The following FGGY variants were observed in gnomAD, a reference collection of about 807,000 sequenced individuals.
The protein encoded by FGGY is FGGY carbohydrate kinase domain-containing protein.
Under a neutral mutation model 71.3 loss-of-function variants are expected in FGGY, and 72 were observed. The ratio of observed to expected loss-of-function variants is 1.01; its 90% CI spans 0.84 to 1.23. The LOEUF (loss-of-function observed/expected upper bound fraction) is 1.23, where lower values mean the gene tolerates loss of function less well. FGGY is among the 50% of genes most tolerant of loss of function. The probability of loss-of-function intolerance (pLI) is 0.00; values close to 1 mark genes in which losing one functional copy is unlikely to be tolerated. For missense variants in FGGY, 668 were observed against 682.3 expected, an observed-to-expected ratio of 0.98 and a Z score of 0.23; for synonymous variants, 251 against 250.3, an observed-to-expected ratio of 1.00 and a Z score of -0.02.
At chr1:59,316,005 T>C (rs141735614) in intron 1 of FGGY, 13 of 152,364 alleles carry the variant, frequency 8.5e-5, no homozygotes, top group African/African-American at 2.9e-4. Context: ...TATTGCCAAA[T>C]CAGCTCTTTC....
At chr1:59,375,265 G>GAAAAAAAAAAAAAAAAAAAAAAAA (rs1289366742) in intron 4 of FGGY, among the ~76,000 whole-genome samples, 1 of 99,832 alleles carries the variant, frequency 1.0e-5, no homozygotes. Flanking sequence ...TCTCAAAAAA[G>GAAAAAAAAAAAAAAAAAAAAAAAA]AAAAAAAAAA....
At chr1:59,517,145 A>T (rs1052856121) in intron 7 of FGGY, among the ~76,000 whole-genome samples, 1 of 152,088 alleles carries the variant, frequency 6.6e-6, no homozygotes, top group Admixed American at 6.6e-5. Flanking sequence ...TAGCTTATAA[A>T]AATAACATTA....
At chr1:59,644,320 A>C (rs991190970) in intron 11 of FGGY, among the ~76,000 whole-genome samples, 3 of 152,146 alleles carry the variant, frequency 2.0e-5, no homozygotes, top group African/African-American at 7.2e-5. Context: ...TGTTCTGGTA[A>C]CAGTTGACTC....
At chr1:59,626,124 G>A in intron 10 of FGGY, 75 bp downstream of exon 10, 1 of 1,215,228 alleles carries the variant, frequency 8.2e-7, no homozygotes, top group Non-Finnish European at 1.2e-6. Flanking sequence ...GGGCAGTTGG[G>A]TGATTTTCAG....
intron 14 of FGGY, among the ~76,000 whole-genome samples, chr1:59,706,423 A>T (rs554252162): frequency 6.6e-6 from 1 of 152,192 alleles, no homozygotes; most frequent in Non-Finnish European, 1.5e-5. Flanking sequence ...CACTATTTAT[A>T]AAGTACTTGG....
At chr1:59,568,846 G>A (rs1440619783) in intron 8 of FGGY, among the ~76,000 whole-genome samples, 1 of 152,102 alleles carries the variant, frequency 6.6e-6, no homozygotes, top group Admixed American at 6.6e-5. Context: ...CATACAGTAG[G>A]TAGTCAACAC....
chr1:59,529,881 T>G (rs2095093704), intron 7 of FGGY, among the ~76,000 whole-genome samples: 1 of 152,228 alleles, frequency 6.6e-6, no homozygotes, highest in African/African-American at 2.4e-5. Context: ...AATCCATGCA[T>G]TAGGCACAAG....
chr1:59,520,592 T>TC (rs1396707433), intron 7 of FGGY, among the ~76,000 whole-genome samples: 1 of 152,254 alleles, frequency 6.6e-6, no homozygotes, highest in Non-Finnish European at 1.5e-5. Flanking sequence ...ATGCCCATCA[T>TC]CCAGCATGAA....
intron 13 of FGGY, among the ~76,000 whole-genome samples, chr1:59,671,365 G>A (rs1202276574): frequency 6.6e-6 from 1 of 152,224 alleles, no homozygotes; most frequent in Non-Finnish European, 1.5e-5. Context: ...TACTAACAGT[G>A]TTTCCACCCC....
chr1:59,544,030 T>C (rs948899663), intron 7 of FGGY, among the ~76,000 whole-genome samples: 1 of 152,234 alleles, frequency 6.6e-6, no homozygotes, highest in Non-Finnish European at 1.5e-5. Flanking sequence ...TATTCCAGTT[T>C]GCCCCAAGAT....
At chr1:59,360,169 A>G (rs1031407778) in intron 4 of FGGY, among the ~76,000 whole-genome samples, 8 of 148,988 alleles carry the variant, frequency 5.4e-5, no homozygotes, top group African/African-American at 2.0e-4. Flanking sequence ...ACCACTGATT[A>G]GTGAAAATTA....
At chr1:59,547,247 G>A (rs147473870) in intron 7 of FGGY, among the ~76,000 whole-genome samples, 61 of 152,140 alleles carry the variant, frequency 4.0e-4, no homozygotes, top group Middle Eastern at 3.4e-3. Flanking sequence ...CACCATGCCC[G>A]GCCACCTTTT....
chr1:59,399,801 G>C (rs780358592), intron 5 of FGGY, among the ~76,000 whole-genome samples: 29 of 152,110 alleles, frequency 1.9e-4, no homozygotes, highest in Non-Finnish European at 3.4e-4. Flanking sequence ...AATCACACTT[G>C]TGATCTGACA....
intron 14 of FGGY, among the ~76,000 whole-genome samples, chr1:59,741,443 G>C (rs1349814241): frequency 6.6e-6 from 1 of 152,114 alleles, no homozygotes. Flanking sequence ...AGTTTCCTGA[G>C]GTCTTCTCAG....
At chr1:59,337,063 A>ATGTATATAGTCATATATATATATT (rs2049739577) in intron 2 of FGGY, among the ~76,000 whole-genome samples, 9 of 148,664 alleles carry the variant, frequency 6.1e-5, no homozygotes, top group African/African-American at 2.2e-4. Flanking sequence ...ATATATATAT[A>ATGTATATAGTCATATATATATATT]TATATGAAAG....
intron 8 of FGGY, among the ~76,000 whole-genome samples, chr1:59,576,970 CA>C (rs1411000825): frequency 6.6e-6 from 1 of 152,160 alleles, no homozygotes; most frequent in Non-Finnish European, 1.5e-5. Context: ...GTAAGTTAGG[CA>C]TTCACTATCC....
At chr1:59,645,324 G>C (rs2097082827) in intron 11 of FGGY, among the ~76,000 whole-genome samples, 1 of 152,098 alleles carries the variant, frequency 6.6e-6, no homozygotes. Flanking sequence ...GCTCCTGCTT[G>C]GTGGCCTTTA....
chr1:59,721,337 G>GTTTTTTTGTTT (rs2097891873), intron 14 of FGGY, among the ~76,000 whole-genome samples: 1 of 105,376 alleles, frequency 9.5e-6, no homozygotes, highest in Non-Finnish European at 1.7e-5. Flanking sequence ...TCTTTCCTTT[G>GTTTTTTTGTTT]TTTTTTTTTT....
At chr1:59,651,001 G>C (rs941530112) in intron 11 of FGGY, among the ~76,000 whole-genome samples, 1 of 151,322 alleles carries the variant, frequency 6.6e-6, no homozygotes, top group Non-Finnish European at 1.5e-5. Flanking sequence ...CCTTCATTTC[G>C]TTATGTACCC....
Sources: allele counts gnomAD v4.1 joint callset (sites outside exome capture counted in the v4.1 genomes callset), GRCh38; gene constraint gnomAD v4.1.1; transcripts MANE v1.5; gene names NCBI Gene and HGNC (gene_info 2026-07-23, HGNC 2026-07-21).